The following UBE2E2 variants were observed in gnomAD, a reference collection of about 807,000 sequenced individuals.
UBE2E2 encodes ubiquitin conjugating enzyme E2 E2.
A neutral mutation model predicts 24.7 loss-of-function variants in UBE2E2; 6 were observed. The observed-to-expected ratio is 0.24, with a 90% CI of 0.13 to 0.48. The LOEUF is 0.48. Ranked by LOEUF, UBE2E2 falls within the 20% of genes least tolerant of loss-of-function variation. The pLI is 0.99. For missense variants in UBE2E2, 169 were observed against 245.0 expected (o/e 0.69, Z 2.07); for synonymous variants, 104 against 83.6 (o/e 1.24, Z -1.33).
Position 23,540,821 on chromosome 3 carries a change from A to C in UBE2E2, c.508+8120A>C, listed in dbSNP as rs908250982. On this transcript the variant is annotated intron_variant, in intron 5 of 5. Coordinates refer to ENST00000396703, the MANE Select transcript of UBE2E2 (RefSeq NM_152653.4). The stretch of plus-strand genomic sequence containing the variant: ...CCCCCTACCGGAACTCCTGGGCTCA[A>C]GTGGTCTCAAGTGATCCTCCTGCCT... Among the ~76,000 whole-genome samples the C allele has an allele frequency of 3.3e-5, 5 of 152,224 alleles. No homozygotes were observed. In the South Asian group the frequency reaches 6.2e-4, roughly 19 times the overall value.
intron 5 of UBE2E2, among the ~76,000 whole-genome samples, chr3:23,564,864 A>G (rs886290235): frequency 2.9e-4 from 44 of 152,286 alleles, no homozygotes; most frequent in Admixed American, 1.4e-3. Context: ...TAAAACACCA[A>G]TGAGGGTCAC....
intron 3 of UBE2E2, among the ~76,000 whole-genome samples, chr3:23,275,055 G>A (rs1053872914): frequency 6.6e-6 from 1 of 152,214 alleles, no homozygotes; most frequent in African/African-American, 2.4e-5. Context: ...AGTGCCTACT[G>A]TGTGTAAAGC....
rs569614840 is a variant in UBE2E2, at chr3:23,589,243, C to T, written c.509-491C>T. ...CTATCCTGGACAACATAGTGAGACC[C>T]CCAAAATTACAAAAAAAAATTTGAA... On this transcript the variant is annotated intron_variant, in intron 5 of 5. Coordinates refer to ENST00000396703, the MANE Select transcript of UBE2E2 (RefSeq NM_152653.4). The surrounding 1 kb of genome is among the most constrained non-coding windows in gnomAD (Gnocchi z 4.1). Among the ~76,000 whole-genome samples the T allele has an allele frequency of 3.3e-5, 5 of 151,932 alleles. No homozygotes were observed. The highest frequency in any genetic ancestry group is 3.3e-4 in the Admixed American group (5 of 15,256).
intron 3 of UBE2E2, among the ~76,000 whole-genome samples, chr3:23,460,951 G>T (rs780892771): frequency 5.3e-5 from 8 of 152,024 alleles, no homozygotes; most frequent in Admixed American, 2.0e-4. Context: ...AGATATTTTT[G>T]ATTTCTGCAG....
At chr3:23,534,894 T>G (rs920804365) in intron 5 of UBE2E2, among the ~76,000 whole-genome samples, 1 of 152,208 alleles carries the variant, frequency 6.6e-6, no homozygotes, top group Non-Finnish European at 1.5e-5. Flanking sequence ...AAATAGGCCT[T>G]GTATAATGAT....
intron 3 of UBE2E2, among the ~76,000 whole-genome samples, chr3:23,279,499 A>G (rs892230383): frequency 6.6e-6 from 1 of 152,210 alleles, no homozygotes; most frequent in Non-Finnish European, 1.5e-5. Flanking sequence ...TTAATATAAC[A>G]TACATTCTAT....
At chr3:23,560,006 C>T (rs191927465) in intron 5 of UBE2E2, among the ~76,000 whole-genome samples, 30 of 152,158 alleles carry the variant, frequency 2.0e-4, no homozygotes, top group African/African-American at 6.5e-4. Flanking sequence ...ACCTCCCACT[C>T]TGTATCTGTT....
At chr3:23,411,410 G>A (rs1211432981) in intron 3 of UBE2E2, among the ~76,000 whole-genome samples, 1 of 152,084 alleles carries the variant, frequency 6.6e-6, no homozygotes, top group African/African-American at 2.4e-5. Flanking sequence ...CCTTTACTCT[G>A]ATGGTCCTTT....
At chr3:23,533,495 C>T (rs1421485433) in intron 5 of UBE2E2, among the ~76,000 whole-genome samples, 6 of 151,690 alleles carry the variant, frequency 4.0e-5, no homozygotes, top group African/African-American at 1.2e-4. Context: ...ATGGAAATGA[C>T]GAGTATCAGT....
intron 5 of UBE2E2, among the ~76,000 whole-genome samples, chr3:23,563,453 G>T (rs1019397952): frequency 6.6e-6 from 1 of 152,100 alleles, no homozygotes; most frequent in Admixed American, 6.6e-5. Context: ...TATAATTTCT[G>T]TACTTTTACA....
At chr3:23,447,015 C>A (rs1453586754) in intron 3 of UBE2E2, among the ~76,000 whole-genome samples, 1 of 152,156 alleles carries the variant, frequency 6.6e-6, no homozygotes, top group East Asian at 1.9e-4. Flanking sequence ...GTTTCCTCTG[C>A]CTGACACATT....
At chr3:23,473,020 T>C (rs892141873) in intron 3 of UBE2E2, among the ~76,000 whole-genome samples, 1 of 152,102 alleles carries the variant, frequency 6.6e-6, no homozygotes, top group African/African-American at 2.4e-5. Context: ...TTTGTGATAC[T>C]GTGCATTTTC....
intron 3 of UBE2E2, among the ~76,000 whole-genome samples, chr3:23,336,171 C>T (rs1695204716): frequency 6.6e-6 from 1 of 151,792 alleles, no homozygotes; most frequent in Non-Finnish European, 1.5e-5. Flanking sequence ...TAATCAGTTT[C>T]CTAATATGTT....
intron 5 of UBE2E2, among the ~76,000 whole-genome samples, chr3:23,588,480 G>A (rs1238540651): frequency 6.8e-6 from 1 of 147,586 alleles, no homozygotes; most frequent in East Asian, 2.0e-4. Context: ...GTGGTGGCAC[G>A]ATCATAGCTC....
intron 3 of UBE2E2, among the ~76,000 whole-genome samples, chr3:23,219,591 A>G (rs1167102298): frequency 6.6e-6 from 1 of 152,210 alleles, no homozygotes; most frequent in Non-Finnish European, 1.5e-5. Context: ...TTAATTTATC[A>G]AAATAGAGCA....
At chr3:23,289,533 T>C (rs1220177261) in intron 3 of UBE2E2, among the ~76,000 whole-genome samples, 1 of 152,220 alleles carries the variant, frequency 6.6e-6, no homozygotes, top group Non-Finnish European at 1.5e-5. Context: ...GAATAGGAAG[T>C]AGCAAACAAA....
intron 4 of UBE2E2, among the ~76,000 whole-genome samples, chr3:23,506,456 C>G (rs1025796672): frequency 2.6e-5 from 4 of 152,180 alleles, no homozygotes; most frequent in African/African-American, 9.7e-5. Context: ...ACTCCTTTCA[C>G]ACAGCTAGCC....
chr3:23,422,680 T>A (rs775934158), intron 3 of UBE2E2, among the ~76,000 whole-genome samples: 8 of 152,202 alleles, frequency 5.3e-5, no homozygotes, highest in Admixed American at 3.3e-4. Context: ...TTGTTCTATT[T>A]CCAGAAGGCA....
intron 5 of UBE2E2, among the ~76,000 whole-genome samples, chr3:23,567,407 C>T (rs976344453): frequency 6.6e-6 from 1 of 152,158 alleles, no homozygotes; most frequent in Admixed American, 6.5e-5. Flanking sequence ...GTCAGTAAAA[C>T]AGGAAACTAC....
Sources: gnomAD v4.1 joint callset for allele counts (sites outside exome capture counted in the v4.1 genomes callset) on GRCh38, gnomAD v4.1.1 for gene constraint, Gnocchi (gnomAD v3.1) non-coding constraint, MANE v1.5 for transcripts, NCBI Gene and HGNC (gene_info 2026-07-23, HGNC 2026-07-21) for gene names.